The following KCNIP4 variants were observed in gnomAD, a reference collection of about 807,000 sequenced individuals.
KCNIP4 encodes the protein Kv channel-interacting protein 4.
In KCNIP4, 12 loss-of-function variants were observed where a neutral mutation model predicts 34.0. The observed-to-expected ratio is 0.35, with a 90% CI of 0.23 to 0.57. The LOEUF is 0.57. KCNIP4 is among the 20% of genes least tolerant of loss of function. The probability of loss-of-function intolerance (pLI) is 0.83; values close to 1 mark genes in which losing one functional copy is unlikely to be tolerated. For missense variants in KCNIP4, 238 were observed against 311.7 expected, an observed-to-expected ratio of 0.76 and a Z score of 1.78; for synonymous variants, 124 against 102.2, an observed-to-expected ratio of 1.21 and a Z score of -1.29.
chr4:21,861,090 T>A (rs1258290598), intron 1 of KCNIP4, among the ~76,000 whole-genome samples: 1 of 152,208 alleles, frequency 6.6e-6, no homozygotes, highest in African/African-American at 2.4e-5. Flanking sequence ...TTGTCATCAA[T>A]TATTCAAGGT....
chr4:21,860,635 T>A (rs1285684342), intron 1 of KCNIP4, among the ~76,000 whole-genome samples: 2 of 151,420 alleles, frequency 1.3e-5, no homozygotes, highest in Non-Finnish European at 2.9e-5. Context: ...GATAATTGGC[T>A]TATCATTAGA....
At chr4:21,433,827 C>G (rs1169085103) in intron 1 of KCNIP4, among the ~76,000 whole-genome samples, 1 of 152,172 alleles carries the variant, frequency 6.6e-6, no homozygotes, top group African/African-American at 2.4e-5. Flanking sequence ...CCTAATGAAA[C>G]TTACTATCGA....
chr4:21,139,327 C>A (rs1460663173), intron 1 of KCNIP4, among the ~76,000 whole-genome samples: 2 of 152,154 alleles, frequency 1.3e-5, no homozygotes, highest in East Asian at 3.9e-4. Flanking sequence ...AAAGTAAGCA[C>A]CTCTTTCAGT....
chr4:20,890,516 T>G (rs779023724), intron 1 of KCNIP4, among the ~76,000 whole-genome samples: 1 of 152,210 alleles, frequency 6.6e-6, no homozygotes, highest in Non-Finnish European at 1.5e-5. Flanking sequence ...ATATATTTGT[T>G]GAGTGATTCA....
chr4:21,173,845 T>C (rs1375201571), intron 1 of KCNIP4, among the ~76,000 whole-genome samples: 3 of 152,150 alleles, frequency 2.0e-5, no homozygotes, highest in Non-Finnish European at 4.4e-5. Flanking sequence ...AAGAAAAGCT[T>C]TTATTCTGTA....
chr4:21,896,271 C>T, intron 1 of KCNIP4, among the ~76,000 whole-genome samples: 1 of 152,150 alleles, frequency 6.6e-6, no homozygotes, highest in East Asian at 1.9e-4. Context: ...GACATTGAAC[C>T]CTATTAATAA....
At chr4:21,550,849 T>C (rs16871372) in intron 1 of KCNIP4, among the ~76,000 whole-genome samples, 4,261 of 152,200 alleles carry the variant, frequency 0.028, 183 homozygotes, top group African/African-American at 0.096. Flanking sequence ...CTCAATCTTT[T>C]GAATCTGCCA....
At position 21,948,556 on chromosome 4, in the gene KCNIP4, C is replaced by A; in HGVS notation, c.61+15G>T. The A allele has an allele frequency of 6.2e-7, 1 of 1,612,112 alleles. No individual in the cohort carries two copies. Among genetic ancestry groups the A allele is most frequent in the Non-Finnish European group, 8.5e-7 (1 of 1,179,214 alleles). On this transcript the variant is annotated intron_variant, in intron 1 of 8. Transcript: ENST00000382152. ...GCGGAAGCGGGCGCCCGCTCGCAAG[C>A]TTATTGCATCCTACCGCCTGTAGAG...
At chr4:21,759,239 T>C (rs926701055) in intron 1 of KCNIP4, among the ~76,000 whole-genome samples, 76 of 152,230 alleles carry the variant, frequency 5.0e-4, no homozygotes, top group Admixed American at 2.1e-3. Flanking sequence ...GTCAACACAG[T>C]GATATGATCA....
intron 1 of KCNIP4, among the ~76,000 whole-genome samples, chr4:21,200,020 A>G (rs192914176): frequency 8.8e-4 from 134 of 152,110 alleles, no homozygotes; most frequent in African/African-American, 3.1e-3. Context: ...GAAGGGGAAC[A>G]TCACACACTG....
intron 3 of KCNIP4, among the ~76,000 whole-genome samples, chr4:20,791,112 T>G (rs1049460695): frequency 1.1e-4 from 17 of 152,094 alleles, no homozygotes; most frequent in African/African-American, 3.9e-4. Context: ...ATGACAGTAG[T>G]TTTTTCATCA....
At chr4:21,169,885 A>G (rs755683979) in intron 1 of KCNIP4, among the ~76,000 whole-genome samples, 1 of 152,196 alleles carries the variant, frequency 6.6e-6, no homozygotes, top group East Asian at 1.9e-4. Context: ...GTTATTTCCC[A>G]TAATAATTTC....
chr4:21,335,152 A>G (rs909163682), intron 1 of KCNIP4, among the ~76,000 whole-genome samples: 1 of 152,030 alleles, frequency 6.6e-6, no homozygotes, highest in Admixed American at 6.6e-5. Flanking sequence ...ACAATTTAGT[A>G]GGAAAAAAAA....
intron 1 of KCNIP4, among the ~76,000 whole-genome samples, chr4:21,000,342 A>C (rs186443656): frequency 6.6e-6 from 1 of 152,024 alleles, no homozygotes; most frequent in Admixed American, 6.6e-5. Context: ...TAAAGCATAG[A>C]TCAAGTCATG....
At chr4:21,249,559 T>A (rs1203602638) in intron 1 of KCNIP4, among the ~76,000 whole-genome samples, 1 of 152,066 alleles carries the variant, frequency 6.6e-6, no homozygotes, top group Non-Finnish European at 1.5e-5. Flanking sequence ...AATGAAATAA[T>A]GTATATCAAG....
At chr4:20,972,767 A>G (rs953081414) in intron 1 of KCNIP4, among the ~76,000 whole-genome samples, 2 of 152,202 alleles carry the variant, frequency 1.3e-5, no homozygotes, top group Non-Finnish European at 2.9e-5. Context: ...CTGATTTAGC[A>G]TAATTTTTAA....
intron 1 of KCNIP4, among the ~76,000 whole-genome samples, chr4:21,041,704 A>T (rs1204691936): frequency 6.6e-6 from 1 of 152,230 alleles, no homozygotes. Context: ...GATGACAAGA[A>T]ACTAAACTTT....
chr4:21,822,800 C>T (rs1448926376), intron 1 of KCNIP4, among the ~76,000 whole-genome samples: 1 of 151,502 alleles, frequency 6.6e-6, no homozygotes, highest in Non-Finnish European at 1.5e-5. Context: ...TCACTGCAAC[C>T]TCTGCCTTCC....
intron 1 of KCNIP4, among the ~76,000 whole-genome samples, chr4:21,647,735 C>G (rs1247799388): frequency 6.6e-6 from 1 of 151,958 alleles, no homozygotes; most frequent in Admixed American, 6.6e-5. Flanking sequence ...AAAAATCATT[C>G]TATTGTTCTC....
Sources: gnomAD v4.1 joint callset for allele counts (sites outside exome capture counted in the v4.1 genomes callset) on GRCh38, gnomAD v4.1.1 for gene constraint, MANE v1.5 for transcripts, NCBI Gene and HGNC (gene_info 2026-07-23, HGNC 2026-07-21) for gene names.